Variants in EMCN observed in about 807,000 individuals in gnomAD.
The protein encoded by EMCN is MUC-14.
Under a neutral mutation model 38.4 loss-of-function variants are expected in EMCN, and 37 were observed. That is an observed-to-expected ratio of 0.96 (90% CI 0.74 to 1.27). The LOEUF (loss-of-function observed/expected upper bound fraction) is 1.27, where lower values mean the gene tolerates loss of function less well. EMCN is among the 50% of genes most tolerant of loss of function. The pLI is 0.00. For missense variants in EMCN, 318 were observed against 302.8 expected (o/e 1.05, Z -0.37); for synonymous variants, 95 against 100.8 (o/e 0.94, Z 0.35).
chr4:100,416,220 C>G (rs1278317272), intron 9 of EMCN, among the ~76,000 whole-genome samples: 1 of 151,990 alleles, frequency 6.6e-6, no homozygotes, highest in Non-Finnish European at 1.5e-5. Flanking sequence ...GCCAATAAAT[C>G]CCTGCCACTC....
intron 4 of EMCN, among the ~76,000 whole-genome samples, chr4:100,460,674 G>A (rs1171849168): frequency 2.0e-5 from 3 of 152,130 alleles, no homozygotes; most frequent in Admixed American, 1.3e-4. Flanking sequence ...CCCATGACAC[G>A]TGGAAATTAT....
chr4:100,461,054 C>T (rs1728165059), intron 4 of EMCN, among the ~76,000 whole-genome samples: 1 of 152,178 alleles, frequency 6.6e-6, no homozygotes, highest in Admixed American at 6.6e-5. Flanking sequence ...GGACTGACCC[C>T]TTCTTCCTGC....
intron 6 of EMCN, 88 bp from the exon 7 acceptor site, chr4:100,423,168 A>G: frequency 2.8e-6 from 4 of 1,421,140 alleles, no homozygotes; most frequent in Non-Finnish European, 4.0e-6. Context: ...GGAAACAGCC[A>G]TGATTTGTAG....
rs544216530 is a variant in EMCN at position 100,504,676 on chromosome 4, C to T, written c.64+13175G>A. 1.4e-3 allele frequency among the ~76,000 whole-genome samples: 219 copies of T among 152,344 alleles called. 1 individual carries two copies. The highest frequency in any genetic ancestry group is 4.8e-3 in the African/African-American group (199 of 41,592). On this transcript the variant is annotated intron_variant, in intron 1 of 11. Transcript: ENST00000296420. ...GCCACCGGAGGGCTCCTTGGTCTAG[C>T]GGTGACGCCAGCGTCTGGGAAGACG...
At chr4:100,497,627 C>T (rs757244826) in intron 1 of EMCN, among the ~76,000 whole-genome samples, 7 of 152,164 alleles carry the variant, frequency 4.6e-5, no homozygotes, top group African/African-American at 1.4e-4. Flanking sequence ...CCGCCTGCCT[C>T]AGCCTCCCAA....
chr4:100,467,621 G>T (rs1314742541), intron 3 of EMCN, among the ~76,000 whole-genome samples: 1 of 147,780 alleles, frequency 6.8e-6, no homozygotes, highest in East Asian at 2.0e-4. Context: ...GGCGGAGCTT[G>T]CAGTGAGCCG....
At chr4:100,455,938 G>A (rs973297317) in intron 4 of EMCN, among the ~76,000 whole-genome samples, 2 of 151,972 alleles carry the variant, frequency 1.3e-5, no homozygotes, top group Non-Finnish European at 2.9e-5. Flanking sequence ...GGGAATACAG[G>A]TGCCTGCCAC....
chr4:100,487,102 C>T lies in EMCN; in HGVS notation c.65-7063G>A, dbSNP rs1445685322. 7 of 792,408 alleles carry T rather than the reference C, an allele frequency of 8.8e-6. No individual in the cohort carries two copies. The African/African-American group carries it at 1.3e-4, about 15-fold the overall frequency. The allele number at this position is 792,408 out of a possible 1,614,324, so 49.1% of individuals were successfully genotyped here. On this transcript the variant is annotated intron_variant, in intron 1 of 11. Coordinates refer to ENST00000296420, the MANE Select transcript of EMCN (RefSeq NM_016242.4). ...GTGGGAGGAAAAAGGAATATCTTGG[C>T]AATGCTCCTTGGCCTTCAGACACTT...
Position 100,418,978 on chromosome 4 carries a change from T to C in EMCN, c.665-1837A>G, listed in dbSNP as rs142192192. On this transcript the variant is annotated intron_variant, in intron 8 of 11. Transcript: ENST00000296420. ...TGAGGAACCTCCAAGCTGTTCTCCA[T>C]AGTGGTTGTACTAATTTACATTTCC... 2.6e-3 allele frequency among the ~76,000 whole-genome samples: 394 copies of C among 152,226 alleles called. 2 individuals carry two copies. The highest frequency in any genetic ancestry group is 3.6e-3 in the Non-Finnish European group (245 of 67,972).
intron 1 of EMCN, among the ~76,000 whole-genome samples, chr4:100,489,211 A>C (rs1729016647): frequency 6.6e-6 from 1 of 152,122 alleles, no homozygotes; most frequent in Non-Finnish European, 1.5e-5. Flanking sequence ...TGTAATATGA[A>C]ATTATGCTGT....
chr4:100,438,039 T>G (rs1260134941), intron 5 of EMCN, among the ~76,000 whole-genome samples: 1 of 152,136 alleles, frequency 6.6e-6, no homozygotes, highest in Non-Finnish European at 1.5e-5. Context: ...AGTGTATCTT[T>G]CCATTTATTT....
chr4:100,453,329 A>C (rs1355090290), intron 4 of EMCN, among the ~76,000 whole-genome samples: 4 of 151,986 alleles, frequency 2.6e-5, no homozygotes, highest in Non-Finnish European at 5.9e-5. Flanking sequence ...TTACAAGAAA[A>C]AAACAAACAA....
intron 4 of EMCN, among the ~76,000 whole-genome samples, chr4:100,460,526 A>G (rs1253532886): frequency 5.3e-5 from 8 of 152,206 alleles, no homozygotes; most frequent in Non-Finnish European, 1.5e-5. Flanking sequence ...CACGTCTTAC[A>G]TGATGGCAGG....
At chr4:100,506,549 G>A (rs1000734980) in intron 1 of EMCN, among the ~76,000 whole-genome samples, 3 of 151,964 alleles carry the variant, frequency 2.0e-5, no homozygotes, top group African/African-American at 7.3e-5. Context: ...ATAATATCAT[G>A]AGGGGATATG....
intron 8 of EMCN, among the ~76,000 whole-genome samples, chr4:100,418,419 G>A (rs1165469318): frequency 3.3e-5 from 5 of 151,938 alleles, no homozygotes; most frequent in Non-Finnish European, 5.9e-5. Context: ...TATTCATTGA[G>A]TTATTTCAAA....
Position 100,395,356 on chromosome 4 carries a change from G to A in EMCN, c.*3057C>T, listed in dbSNP as rs1726095737. 6.6e-6 allele frequency: 1 copy of A among 152,022 alleles called. No homozygotes were observed. Among genetic ancestry groups the A allele is most frequent in the Admixed American group, 6.6e-5 (1 of 15,254 alleles). 9.4% of individuals were successfully genotyped at this position (152,022 alleles called of 1,614,324 possible). A position where few individuals can be genotyped will look rare whatever the true frequency, so the allele number is the denominator to read the frequency against. ...AAAAGACAAATTCCCTAGAAATTGG[G>A]GCAGAGTACACCCATTTATTGGAAA... On this transcript the variant is annotated 3_prime_UTR_variant, in exon 12 of 12. Coordinates refer to ENST00000296420, the MANE Select transcript of EMCN (RefSeq NM_016242.4).
intron 11 of EMCN, among the ~76,000 whole-genome samples, 198 bp downstream of exon 11, chr4:100,410,084 C>G (rs940183742): frequency 6.6e-6 from 1 of 152,190 alleles, no homozygotes; most frequent in Non-Finnish European, 1.5e-5. Context: ...TTGGACAAAT[C>G]GTCTACAACC....
chr4:100,424,785 G>T (rs897653417), intron 5 of EMCN, among the ~76,000 whole-genome samples: 2 of 152,054 alleles, frequency 1.3e-5, no homozygotes, highest in Non-Finnish European at 2.9e-5. Context: ...GTTTAGTGAG[G>T]ATGAATGCTC....
At chr4:100,458,433 A>G (rs1301601648) in intron 4 of EMCN, among the ~76,000 whole-genome samples, 1 of 152,142 alleles carries the variant, frequency 6.6e-6, no homozygotes, top group Admixed American at 6.5e-5. Context: ...TGATTCCCTA[A>G]TGTGTCTACA....
Sources: allele counts gnomAD v4.1 joint callset (sites outside exome capture counted in the v4.1 genomes callset), GRCh38; gene constraint gnomAD v4.1.1; transcripts MANE v1.5; gene names NCBI Gene and HGNC (gene_info 2026-07-23, HGNC 2026-07-21).